PRMT8: variants seen among roughly 807,000 people sequenced by gnomAD.
PRMT8 encodes protein arginine methyltransferase 8.
In PRMT8, 7 loss-of-function variants were observed where a neutral mutation model predicts 47.1. The observed-to-expected ratio is 0.15, with a 90% CI of 0.08 to 0.28. The LOEUF (loss-of-function observed/expected upper bound fraction) is 0.28. PRMT8 is among the 10% of genes least tolerant of loss of function. PRMT8 has a pLI of 1.00. For synonymous variants in PRMT8, 188 were observed against 186.5 expected, an observed-to-expected ratio of 1.01 and a Z score of -0.07; for missense variants, 237 against 505.4, an observed-to-expected ratio of 0.47 and a Z score of 5.09.
At chr12:3,405,766 G>A (rs1864367182) in intron 1 of PRMT8, among the ~76,000 whole-genome samples, 1 of 152,202 alleles carries the variant, frequency 6.6e-6, no homozygotes, top group African/African-American at 2.4e-5. Context: ...ATAGCCTTGG[G>A]CAGCTCCACT....
At chr12:3,483,479 T>C (rs1305543709) in intron 1 of PRMT8, among the ~76,000 whole-genome samples, 1 of 151,980 alleles carries the variant, frequency 6.6e-6, no homozygotes, top group Non-Finnish European at 1.5e-5. Flanking sequence ...ATAACTTGAG[T>C]GGTCCTTAAC....
In PRMT8 at chr12:3,535,379, TG is replaced by T. The variant is rs1415453772; in HGVS notation, c.76-5222del. 4.6e-5 allele frequency among the ~76,000 whole-genome samples: 7 copies of T among 152,078 alleles called. No individual in the cohort carries two copies. Among genetic ancestry groups the T allele is most frequent in the Non-Finnish European group, 1.0e-4 (7 of 68,016 alleles). ...CCAGTCTGGGGGCGGAACACTGTGT[TG>T]GGGGAGTCCTGATCAGCCGCTGGCG... is the stretch of plus-strand genomic sequence containing the variant. On this transcript the variant is annotated intron_variant, in intron 1 of 9. Transcript: ENST00000382622. This position sits in a 1 kb window ranked among gnomAD's most constrained non-coding sequence, Gnocchi z 4.7.
In PRMT8 at chr12:3,569,569, GT is replaced by G; in HGVS notation, c.712+6del. ...ACAAGGACTTCAAAATCCACTGTAA[GT>G]CCCCTCTTGCTTCTCCGGTGGACTT... On this transcript the variant is annotated splice_donor_region_variant and intron_variant, in intron 6 of 9. Transcript: ENST00000382622. This position sits in a 1 kb window ranked among gnomAD's most constrained non-coding sequence, Gnocchi z 8.2. 6.2e-7 allele frequency: 1 copy of G among 1,613,260 alleles called. No homozygotes were observed. The highest frequency in any genetic ancestry group is 1.3e-5 in the African/African-American group (1 of 75,012).
rs77107766 is a variant in PRMT8 at position 3,514,124 on chromosome 12, G to A, written c.75+22424G>A. On this transcript the variant is annotated intron_variant, in intron 1 of 9. Coordinates refer to ENST00000382622, the MANE Select transcript of PRMT8 (RefSeq NM_019854.5). The surrounding 1 kb of genome is among the most constrained non-coding windows in gnomAD (Gnocchi z 5.9). ...CTTTGTCAGGGTCAAAGAGTTGGCC[G>A]CAGGGCCAAAGTCAGGCTGTGAGCC... Among the ~76,000 whole-genome samples the A allele has an allele frequency of 0.1, 15,774 of 152,152 alleles. 1,033 individuals are homozygous for A. The highest frequency in any genetic ancestry group is 0.18 in the African/African-American group (7,629 of 41,476).
At chr12:3,528,634 G>T (rs970040632) in intron 1 of PRMT8, among the ~76,000 whole-genome samples, 1 of 151,432 alleles carries the variant, frequency 6.6e-6, no homozygotes, top group African/African-American at 2.4e-5. Flanking sequence ...TCATTTCTCG[G>T]TTCAGTTTTG....
intron 1 of PRMT8, among the ~76,000 whole-genome samples, chr12:3,429,567 G>T (rs994853649): frequency 1.6e-4 from 24 of 152,166 alleles, no homozygotes; most frequent in Admixed American, 1.2e-3. Context: ...ATCCAAGCCA[G>T]GTCAAAACCA....
intron 1 of PRMT8, among the ~76,000 whole-genome samples, chr12:3,471,594 C>T (rs1469087018): frequency 6.6e-6 from 1 of 151,654 alleles, no homozygotes; most frequent in Non-Finnish European, 1.5e-5. Context: ...AACCCCTGGG[C>T]TCCCTCAACC....
At chr12:3,561,475 G>T (rs1389063709) in intron 4 of PRMT8, among the ~76,000 whole-genome samples, 1 of 152,124 alleles carries the variant, frequency 6.6e-6, no homozygotes, top group Non-Finnish European at 1.5e-5. Flanking sequence ...TGTTAGAGTT[G>T]GTCTTCTATC....
chr12:3,507,113 CCTTT>C (rs1291026438), intron 1 of PRMT8, among the ~76,000 whole-genome samples: 11 of 150,490 alleles, frequency 7.3e-5, no homozygotes, highest in Admixed American at 1.3e-4. Context: ...AAAGCGGTGG[CCTTT>C]CTTTTTTTTT....
chr12:3,389,700 G>A (rs779325119), intron 1 of PRMT8, among the ~76,000 whole-genome samples: 2 of 152,212 alleles, frequency 1.3e-5, no homozygotes, highest in Admixed American at 1.3e-4. Flanking sequence ...ACACAGAAAA[G>A]GGAAGGATGC....
At chr12:3,590,075 T>C (rs575261249) in intron 8 of PRMT8, among the ~76,000 whole-genome samples, 1 of 152,194 alleles carries the variant, frequency 6.6e-6, no homozygotes, top group Non-Finnish European at 1.5e-5. Flanking sequence ...GACAGCAGTA[T>C]GCCCTGAAGG....
intron 1 of PRMT8, among the ~76,000 whole-genome samples, chr12:3,515,729 G>A (rs1448156594): frequency 6.6e-6 from 1 of 152,208 alleles, no homozygotes; most frequent in Admixed American, 6.5e-5. Context: ...TGCACTCTGA[G>A]CCTGGTGTGG....
At chr12:3,489,818 C>A (rs1463369483), upstream of PRMT8, among the ~76,000 whole-genome samples, 1 of 141,254 alleles carries the variant, frequency 7.1e-6, no homozygotes, top group African/African-American at 2.8e-5. Context: ...CACACACACA[C>A]ACACACACAC....
At chr12:3,452,084 AT>A (rs1864924360) in intron 1 of PRMT8, among the ~76,000 whole-genome samples, 1 of 152,162 alleles carries the variant, frequency 6.6e-6, no homozygotes, top group Admixed American at 6.5e-5. Flanking sequence ...AGCTGAGAAA[AT>A]GGGTACCCTC....
chr12:3,431,330 G>A (rs1347865787), intron 1 of PRMT8, among the ~76,000 whole-genome samples: 3 of 152,132 alleles, frequency 2.0e-5, no homozygotes, highest in African/African-American at 4.8e-5. Flanking sequence ...GTAGCAGAGA[G>A]GGCACCAAAC....
intron 1 of PRMT8, among the ~76,000 whole-genome samples, chr12:3,397,177 A>T (rs959987891): frequency 2.5e-4 from 38 of 151,952 alleles, no homozygotes; most frequent in African/African-American, 8.9e-4. Context: ...CATAGCTTGG[A>T]GTAATTTGAT....
At chr12:3,519,006 C>T (rs1272067159) in intron 1 of PRMT8, among the ~76,000 whole-genome samples, 1 of 152,166 alleles carries the variant, frequency 6.6e-6, no homozygotes, top group African/African-American at 2.4e-5. Context: ...AAAAGTTTAG[C>T]TGCTGACCCT....
chr12:3,438,609 T>G (rs1393630192), intron 1 of PRMT8, among the ~76,000 whole-genome samples: 1 of 152,232 alleles, frequency 6.6e-6, no homozygotes, highest in Admixed American at 6.5e-5. Flanking sequence ...TGATGACAAA[T>G]TCCTTTGCTA....
At chr12:3,540,137 G>A (rs945198341) in intron 1 of PRMT8, among the ~76,000 whole-genome samples, 4 of 152,168 alleles carry the variant, frequency 2.6e-5, no homozygotes, top group Non-Finnish European at 5.9e-5. Context: ...TAGAGAAAAG[G>A]AAACTGAGGC....
Sources: allele counts gnomAD v4.1 joint callset (sites outside exome capture counted in the v4.1 genomes callset), GRCh38; gene constraint gnomAD v4.1.1; non-coding constraint Gnocchi (gnomAD v3.1); transcripts MANE v1.5; gene names NCBI Gene and HGNC (gene_info 2026-07-23, HGNC 2026-07-21).